Variants in ANKUB1 observed in about 807,000 individuals in gnomAD.
ANKUB1 encodes protein ANKUB1.
ANKUB1 carries 42 observed loss-of-function variants against 49.3 expected under a neutral mutation model. That is an observed-to-expected ratio of 0.85 (90% confidence interval 0.67 to 1.10). The LOEUF (loss-of-function observed/expected upper bound fraction) is 1.10, where lower values mean the gene tolerates loss of function less well. ANKUB1 is among the 50% of genes least tolerant of loss of function. The pLI, the probability that ANKUB1 is intolerant of heterozygous loss-of-function variation, is 0.00. For missense variants in ANKUB1, 613 were observed against 642.0 expected, an observed-to-expected ratio of 0.95 and a Z score of 0.49; for synonymous variants, 222 against 231.0, an observed-to-expected ratio of 0.96 and a Z score of 0.35.
intron 3 of ANKUB1, among the ~76,000 whole-genome samples, chr3:149,775,492 T>C (rs186382872): frequency 2.0e-3 from 310 of 152,116 alleles, no homozygotes; most frequent in Non-Finnish European, 3.4e-3. Context: ...GGAATTAAAA[T>C]AGCACCATAG....
At position 149,767,351 on chromosome 3, in the gene ANKUB1, T is replaced by C; in HGVS notation, c.1311A>G (p.Lys437=). Residue 437 remains lysine, a synonymous_variant, in exon 5 of 6, where the codon AAA becomes AAG. Transcript: ENST00000446160. ...GATATGTGTTTTTTATGAGCTTTTC[T>C]TTTTTCCTAGCTGTGGCAGTAATTT... ...QKKITATARK[K]EKLIKNTYLP... is the part of the protein sequence containing the mutation. 1 of 1,549,872 alleles carries C rather than the reference T, an allele frequency of 6.5e-7. No homozygotes were observed. Among genetic ancestry groups the C allele is most frequent in the South Asian group, 1.2e-5 (1 of 83,486 alleles).
chr3:149,792,272 C>A lies in ANKUB1; in HGVS notation c.90+5G>T. 2 of 1,504,552 alleles carry A rather than the reference C, an allele frequency of 1.3e-6. No homozygotes were observed. The highest frequency in any genetic ancestry group is 2.3e-5 in the Admixed American group (1 of 43,222). 93.2% of individuals were successfully genotyped at this position (1,504,552 alleles called of 1,614,324 possible). ...ATTTTGGTGGTTTGGGAACGAAGTA[C>A]ATACCTTTATCATCAGCTTGACAAC... On this transcript the variant is annotated splice_donor_5th_base_variant and intron_variant, in intron 1 of 5. Coordinates refer to ENST00000446160, the MANE Select transcript of ANKUB1 (RefSeq NM_001144960.3).
At chr3:149,764,541 A>ATCCCTTCCTTCCTT (rs1176229632) in intron 5 of ANKUB1, among the ~76,000 whole-genome samples, 770 of 75,070 alleles carry the variant, frequency 0.01, 45 homozygotes, top group African/African-American at 0.04. Context: ...TTCTGCATTA[A>ATCCCTTCCTTCCTT]TCCCTTCCTT....
rs1716778857 is a variant in ANKUB1 at position 149,761,460 on chromosome 3, C to T, written c.*24G>A. 1.9e-6 allele frequency: 3 copies of T among 1,550,412 alleles called. No homozygotes were observed. Among genetic ancestry groups the T allele is most frequent in the Non-Finnish European group, 2.6e-6 (3 of 1,146,072 alleles). On this transcript the variant is annotated 3_prime_UTR_variant, in exon 6 of 6. Transcript: ENST00000446160. ...ACATTCTGTTTGATCAGGTCTTTGT[C>T]CAAACTGAAGTTGTCATGACTTTTC...
At chr3:149,777,476 A>AAACAAAC (rs1717652124) in intron 3 of ANKUB1, among the ~76,000 whole-genome samples, 1 of 150,824 alleles carries the variant, frequency 6.6e-6, no homozygotes, top group Non-Finnish European at 1.5e-5. Flanking sequence ...ACTCAAAAAC[A>AAACAAAC]AACAACAACA....
intron 3 of ANKUB1, among the ~76,000 whole-genome samples, chr3:149,773,868 T>G (rs889873934): frequency 2.0e-5 from 3 of 152,148 alleles, no homozygotes; most frequent in Admixed American, 2.0e-4. Flanking sequence ...TAGGAGGGAA[T>G]TTATTAAGAT....
chr3:149,773,123 C>A (rs192555094), intron 3 of ANKUB1, among the ~76,000 whole-genome samples: 1 of 152,262 alleles, frequency 6.6e-6, no homozygotes, highest in African/African-American at 2.4e-5. Context: ...GAGTCTCCCC[C>A]TTTCAGTTGC....
chr3:149,789,038 G>C (rs1054941827), intron 2 of ANKUB1, among the ~76,000 whole-genome samples: 1 of 151,958 alleles, frequency 6.6e-6, no homozygotes, highest in Non-Finnish European at 1.5e-5. Flanking sequence ...GCCTCCTAAA[G>C]TGCTGGGTTA....
At chr3:149,774,880 TA>T (rs1222122154) in intron 3 of ANKUB1, among the ~76,000 whole-genome samples, 1 of 152,186 alleles carries the variant, frequency 6.6e-6, no homozygotes, top group Non-Finnish European at 1.5e-5. Context: ...TGTTGGGAAA[TA>T]GAAATTTACT....
chr3:149,767,634 A>T lies in ANKUB1; in HGVS notation c.1028T>A (p.Val343Asp). ...FCGARVFGAK[V>D]GDTVMVDGFT... ...ACCATCCACCATCACAGTGTCTCCA[A>T]CTTTTGCCCCAAAGACCCTTGCTCC... Residue 343 changes from valine to aspartate, a missense_variant, in exon 5 of 6, where the codon GTT (valine) becomes GAT (aspartate). Val to Asp is a radical substitution (Grantham distance 152, BLOSUM62 -3). Coordinates refer to ENST00000446160, the MANE Select transcript of ANKUB1 (RefSeq NM_001144960.3). 1 of 1,551,640 alleles carries T rather than the reference A, an allele frequency of 6.4e-7. No individual in the cohort carries two copies. The highest frequency in any genetic ancestry group is 8.7e-7 in the Non-Finnish European group (1 of 1,146,990).
At chr3:149,786,997 C>T (rs1025804638) in intron 2 of ANKUB1, among the ~76,000 whole-genome samples, 7 of 152,150 alleles carry the variant, frequency 4.6e-5, no homozygotes, top group African/African-American at 1.4e-4. Context: ...AGTTTGAAGT[C>T]AGGTAGCATG....
chr3:149,791,939 A>G (rs1035749188), intron 1 of ANKUB1, among the ~76,000 whole-genome samples: 4 of 152,208 alleles, frequency 2.6e-5, no homozygotes, highest in Non-Finnish European at 2.9e-5. Context: ...TGTCCCACGT[A>G]TATAGCCTGA....
At chr3:149,779,856 A>G (rs1159551008) in intron 3 of ANKUB1, 1 of 205,094 alleles carries the variant, frequency 4.9e-6, no homozygotes, top group Non-Finnish European at 1.0e-5. Context: ...GTAGACCCAG[A>G]CCCAAGAATG....
At chr3:149,787,246 C>T (rs541277827) in intron 2 of ANKUB1, among the ~76,000 whole-genome samples, 2 of 152,110 alleles carry the variant, frequency 1.3e-5, no homozygotes, top group Non-Finnish European at 2.9e-5. Context: ...TCTTTTATTT[C>T]GTTGAGCAGT....
In ANKUB1 at chr3:149,761,337, T is replaced by C; in HGVS notation, c.*147A>G. The C allele has an allele frequency of 1.1e-6, 1 of 889,660 alleles. No individual in the cohort carries two copies. The highest frequency in any genetic ancestry group is 2.4e-5 in the South Asian group (1 of 41,098). The allele number at this position is 889,660 out of a possible 1,614,324, so 55.1% of individuals were successfully genotyped here. On this transcript the variant is annotated 3_prime_UTR_variant, in exon 6 of 6. Transcript: ENST00000446160. ...TAGTGTGATGAAGTCTGAGAAAACA[T>C]GGTGTTAAATATCCTATTAAAAGTT...
intron 5 of ANKUB1, among the ~76,000 whole-genome samples, chr3:149,762,272 TTC>T (rs1165997192): frequency 6.6e-6 from 1 of 152,172 alleles, no homozygotes; most frequent in Non-Finnish European, 1.5e-5. Flanking sequence ...TCCTTGACCT[TTC>T]TCAAAAGTGG....
intron 2 of ANKUB1, among the ~76,000 whole-genome samples, chr3:149,786,812 C>G (rs1285089036): frequency 6.6e-6 from 1 of 152,180 alleles, no homozygotes; most frequent in Non-Finnish European, 1.5e-5. Context: ...TTTCCCAGCA[C>G]CATTTATTAA....
At chr3:149,764,099 G>A (rs895461399) in intron 5 of ANKUB1, 3 of 451,010 alleles carry the variant, frequency 6.7e-6, no homozygotes, top group African/African-American at 2.0e-5. Flanking sequence ...CACTAGCTTG[G>A]TGATGGTGCA....
In ANKUB1 at chr3:149,780,462, G is replaced by A. The variant is rs76835165; in HGVS notation, c.235-7C>T. On this transcript the variant is annotated splice_region_variant and splice_polypyrimidine_tract_variant and intron_variant, in intron 2 of 5. Transcript: ENST00000446160. ...GAGTAGGCTTGTCTTCTTCCTAAAG[G>A]GAAAGAAAAGGAGGGAACTTATTGT... 6,444 of 1,546,232 alleles carry A rather than the reference G, an allele frequency of 4.2e-3. 212 individuals carry two copies. In the African/African-American group the frequency reaches 0.074, roughly 18 times the overall value.
Sources: gnomAD v4.1 joint callset for allele counts (sites outside exome capture counted in the v4.1 genomes callset) on GRCh38, gnomAD v4.1.1 for gene constraint, MANE v1.5 for transcripts, NCBI Gene and HGNC (gene_info 2026-07-23, HGNC 2026-07-21) for gene names.